Variants in YIPF4 observed in about 807,000 individuals in gnomAD.
YIPF4 encodes the protein Yip1 domain family member 4.
YIPF4 carries 18 observed loss-of-function variants against 29.4 expected under a neutral mutation model. The ratio of observed to expected loss-of-function variants is 0.61; its 90% confidence interval spans 0.42 to 0.91. The LOEUF (loss-of-function observed/expected upper bound fraction) is 0.91, where lower values mean the gene tolerates loss of function less well. Among genes scored for constraint, YIPF4 ranks in the 40% least tolerant of loss-of-function variants. YIPF4 has a pLI of 0.00. For synonymous variants in YIPF4, 115 were observed against 104.7 expected (o/e 1.10, Z -0.60); for missense variants, 279 against 282.7 (o/e 0.99, Z 0.09).
At chr2:32,279,079 T>A (rs1029878987) in intron 1 of YIPF4, among the ~76,000 whole-genome samples, 5 of 150,614 alleles carry the variant, frequency 3.3e-5, no homozygotes, top group African/African-American at 9.8e-5. Flanking sequence ...GCCATTCTCC[T>A]GCCTCAGCCT....
In YIPF4 at chr2:32,301,457, G is replaced by C; in HGVS notation, c.559G>C (p.Val187Leu). The C allele has an allele frequency of 6.2e-7, 1 of 1,613,500 alleles. No homozygotes were observed. ...PLIVIAPVLL[V>L]VGSFEVVSTL... is the part of the protein sequence containing the mutation. ...CATTGTAATAGCCCCTGTACTTTTG[G>C]TGGTTGGATCATTTGAAGTGGTGTC... The change falls in exon 5 of 6, where the codon GTG (valine) becomes CTG (leucine). Residue 187 changes from valine (V) to leucine (L), a missense_variant. Physicochemically the swap from Val to Leu is conservative, Grantham distance 32 (BLOSUM62 1). Coordinates refer to ENST00000238831, the MANE Select transcript of YIPF4 (RefSeq NM_032312.4).
At chr2:32,280,961 A>C (rs2030381224) in intron 1 of YIPF4, among the ~76,000 whole-genome samples, 1 of 152,064 alleles carries the variant, frequency 6.6e-6, no homozygotes. Context: ...GTATTTGTTT[A>C]TTTTTTTCAT....
intron 5 of YIPF4, among the ~76,000 whole-genome samples, chr2:32,305,131 A>T (rs1388033080): frequency 6.6e-6 from 1 of 152,112 alleles, no homozygotes; most frequent in Non-Finnish European, 1.5e-5. Context: ...ATCACCAGGG[A>T]ACTTATTTAA....
intron 3 of YIPF4, among the ~76,000 whole-genome samples, chr2:32,295,066 G>T (rs954876390): frequency 1.3e-5 from 2 of 151,282 alleles, no homozygotes; most frequent in African/African-American, 2.4e-5. Context: ...GAGGGGGAGG[G>T]GGAGGGCCAT....
rs535935377 is a variant in YIPF4, at chr2:32,298,121, A to G, written c.406-113A>G. 52 of 757,900 alleles carry G rather than the reference A, an allele frequency of 6.9e-5. 1 individual carries two copies. In the South Asian group the frequency reaches 6.9e-4, roughly 10 times the overall value. 46.9% of individuals were successfully genotyped at this position (757,900 alleles called of 1,614,324 possible). A position where few individuals can be genotyped will look rare whatever the true frequency, so the allele number is the denominator to read the frequency against. On this transcript the variant is annotated intron_variant, in intron 3 of 5. Coordinates refer to ENST00000238831, the MANE Select transcript of YIPF4 (RefSeq NM_032312.4). ...ACCTGAGAGCCCACATAATCTCTCT[A>G]TGACCTGAAATTGGGCATGCTAAAC...
chr2:32,305,917 T>C lies in YIPF4; in HGVS notation c.*291T>C, dbSNP rs1254041174. The C allele has an allele frequency of 9.7e-7, 1 of 1,031,276 alleles. No individual in the cohort carries two copies. Among genetic ancestry groups the C allele is most frequent in the African/African-American group, 1.7e-5 (1 of 59,112 alleles). 63.9% of individuals were successfully genotyped at this position (1,031,276 alleles called of 1,614,324 possible). On this transcript the variant is annotated 3_prime_UTR_variant, in exon 6 of 6. Coordinates refer to ENST00000238831, the MANE Select transcript of YIPF4 (RefSeq NM_032312.4). Reference sequence around the variant, plus strand: ...TTGTGTCGATATTCACCTAAAAACTTGTGCCAAAAGCACCTGGATTGGTAA... The same window carrying C: ...TTGTGTCGATATTCACCTAAAAACTCGTGCCAAAAGCACCTGGATTGGTAA...
chr2:32,293,802 G>A (rs561558001), intron 3 of YIPF4, among the ~76,000 whole-genome samples: 12 of 147,796 alleles, frequency 8.1e-5, no homozygotes, highest in African/African-American at 2.0e-4. Context: ...GGGCAGAGGC[G>A]CCCCTCACCT....
intron 3 of YIPF4, 68 bp downstream of exon 3, chr2:32,292,416 T>C (rs530956704): frequency 8.4e-7 from 1 of 1,184,428 alleles, no homozygotes; most frequent in East Asian, 2.8e-5. Flanking sequence ...TATAATAAGA[T>C]ATTAACTGTA....
At chr2:32,302,066 T>C (rs566022667) in intron 5 of YIPF4, among the ~76,000 whole-genome samples, 24 of 150,656 alleles carry the variant, frequency 1.6e-4, no homozygotes, top group Middle Eastern at 3.4e-3. Flanking sequence ...AGTCTTGCTC[T>C]GTCGCCCAGG....
At chr2:32,295,743 A>G (rs1361902661) in intron 3 of YIPF4, among the ~76,000 whole-genome samples, 1 of 152,132 alleles carries the variant, frequency 6.6e-6, no homozygotes, top group African/African-American at 2.4e-5. Flanking sequence ...AGCTGGGATT[A>G]CAGACATGCC....
chr2:32,301,423 A>G lies in YIPF4; in HGVS notation c.525A>G (p.Leu175=), dbSNP rs977918037. The G allele has an allele frequency of 6.2e-6, 10 of 1,613,744 alleles. No homozygotes were observed. The African/African-American group carries it at 1.2e-4, about 19-fold the overall frequency. ...GQVLGVIGYS[L]LPLIVIAPVL... The stretch of plus-strand genomic sequence containing the variant: ...TCCTTGGAGTTATAGGATATTCATT[A>G]CTTCCTCTCATTGTAATAGCCCCTG... The change falls in exon 5 of 6, where the codon TTA becomes TTG. Residue 175 remains leucine (L), a synonymous_variant. Coordinates refer to ENST00000238831, the MANE Select transcript of YIPF4 (RefSeq NM_032312.4).
At chr2:32,303,352 C>T (rs1363216365) in intron 5 of YIPF4, among the ~76,000 whole-genome samples, 1 of 151,996 alleles carries the variant, frequency 6.6e-6, no homozygotes, top group Non-Finnish European at 1.5e-5. Flanking sequence ...AGAGTGAGAC[C>T]CTGTCTCTGC....
intron 1 of YIPF4, among the ~76,000 whole-genome samples, chr2:32,281,414 G>GT (rs994974016): frequency 2.0e-5 from 3 of 151,874 alleles, no homozygotes; most frequent in Non-Finnish European, 2.9e-5. Flanking sequence ...GTTAATTTTT[G>GT]TATTTTTTGT....
At chr2:32,285,615 A>T (rs771819417) in intron 1 of YIPF4, among the ~76,000 whole-genome samples, 5 of 150,904 alleles carry the variant, frequency 3.3e-5, no homozygotes, top group Non-Finnish European at 5.9e-5. Context: ...GTCACCTCTA[A>T]TACAAGTTAG....
intron 3 of YIPF4, among the ~76,000 whole-genome samples, chr2:32,294,275 C>T (rs1213594014): frequency 8.8e-5 from 13 of 148,216 alleles, no homozygotes; most frequent in Middle Eastern, 3.8e-3. Flanking sequence ...TCAGACGGGG[C>T]GGCTGCCGGG....
rs749978994 is a variant in YIPF4 at position 32,284,183 on chromosome 2, AAT to A, written c.79+5951_79+5952del. Among the ~76,000 whole-genome samples, 6 of 152,350 alleles carry A rather than the reference AAT, an allele frequency of 3.9e-5. No homozygotes were observed. In the East Asian group the frequency reaches 9.6e-4, roughly 24 times the overall value. On this transcript the variant is annotated intron_variant, in intron 1 of 5. Coordinates refer to ENST00000238831, the MANE Select transcript of YIPF4 (RefSeq NM_032312.4). The stretch of plus-strand genomic sequence containing the variant: ...AAGACAAATGCCACCAAAAATCCCA[AAT>A]AGTCTCTCCTTTCATAGATTTTATA...
chr2:32,289,541 A>G (rs2030823958), intron 1 of YIPF4, among the ~76,000 whole-genome samples: 1 of 152,208 alleles, frequency 6.6e-6, no homozygotes, highest in Non-Finnish European at 1.5e-5. Context: ...TAATCATGTG[A>G]CTTGCACTGA....
chr2:32,284,838 G>T (rs781682424), intron 1 of YIPF4, among the ~76,000 whole-genome samples: 1 of 152,194 alleles, frequency 6.6e-6, no homozygotes, highest in Non-Finnish European at 1.5e-5. Context: ...GAGGCTTAGT[G>T]TGGCTAGGGT....
At chr2:32,290,935 C>G (rs1490495535) in intron 2 of YIPF4, 1 of 161,930 alleles carries the variant, frequency 6.2e-6, no homozygotes, top group Admixed American at 6.4e-5. Flanking sequence ...AAGCAGGGCT[C>G]TTAGGTACTA....
Sources: allele counts gnomAD v4.1 joint callset (sites outside exome capture counted in the v4.1 genomes callset), GRCh38; gene constraint gnomAD v4.1.1; transcripts MANE v1.5; gene names NCBI Gene and HGNC (gene_info 2026-07-23, HGNC 2026-07-21).